ELSPBP1: variants seen among roughly 807,000 people sequenced by gnomAD.
ELSPBP1 encodes the protein epididymal sperm binding protein 1.
A neutral mutation model predicts 33.3 loss-of-function variants in ELSPBP1; 38 were observed. The observed-to-expected ratio is 1.14, with a 90% confidence interval of 0.88 to 1.50. The LOEUF (loss-of-function observed/expected upper bound fraction) is 1.50. ELSPBP1 is among the 40% of genes most tolerant of loss of function. The pLI is 0.00. For synonymous variants in ELSPBP1, 85 were observed against 94.1 expected (o/e 0.90, Z 0.56); for missense variants, 267 against 263.5 (o/e 1.01, Z -0.09).
chr19:47,994,909 A>C (rs1966899575), intron 1 of ELSPBP1, 98 bp downstream of exon 1: 1 of 152,238 alleles, frequency 6.6e-6, no homozygotes, highest in Non-Finnish European at 1.5e-5. Flanking sequence ...GTGCACTAGA[A>C]ATATAATACG....
At chr19:48,001,470 G>T (rs538375819) in intron 1 of ELSPBP1, among the ~76,000 whole-genome samples, 1 of 152,004 alleles carries the variant, frequency 6.6e-6, no homozygotes, top group Admixed American at 6.6e-5. Flanking sequence ...TTTTATAAGG[G>T]CCCTTGTGAT....
intron 1 of ELSPBP1, among the ~76,000 whole-genome samples, chr19:48,007,043 T>C (rs528046330): frequency 6.6e-6 from 1 of 152,218 alleles, no homozygotes; most frequent in South Asian, 2.1e-4. Context: ...TTCCTGGCGG[T>C]ATCTGGGTTT....
intron 1 of ELSPBP1, among the ~76,000 whole-genome samples, chr19:48,000,174 C>G (rs1245551718): frequency 1.3e-5 from 2 of 151,748 alleles, no homozygotes; most frequent in African/African-American, 4.8e-5. Context: ...GCCAAGAACT[C>G]TGCTTACATT....
chr19:48,012,168 C>A (rs1162666372), intron 2 of ELSPBP1, among the ~76,000 whole-genome samples: 2 of 152,144 alleles, frequency 1.3e-5, no homozygotes, highest in African/African-American at 4.8e-5. Flanking sequence ...CTCTGTCACC[C>A]AGGCTGGAGT....
At chr19:48,010,664 G>C (rs1267527531) in intron 2 of ELSPBP1, among the ~76,000 whole-genome samples, 2 of 152,116 alleles carry the variant, frequency 1.3e-5, no homozygotes, top group African/African-American at 2.4e-5. Context: ...ACTAAAGCTG[G>C]GAAGAGAGGA....
intron 4 of ELSPBP1, among the ~76,000 whole-genome samples, chr19:48,016,474 TTCTTTCTTTCTTTCTTTC>T (rs1967137190): frequency 1.8e-5 from 1 of 56,676 alleles, no homozygotes; most frequent in African/African-American, 1.1e-4. Flanking sequence ...CCTTCTTTCT[TTCTTTCTTTCTTTCTTTC>T]TTTCTTTCTT....
chr19:48,014,446 G>A, intron 3 of ELSPBP1, 138 bp downstream of exon 3: 3 of 827,106 alleles, frequency 3.6e-6, no homozygotes, highest in Non-Finnish European at 3.4e-6. Context: ...AAGGCTCTGG[G>A]TTTTAATGAT....
chr19:48,024,718 T>C (rs567151688), intron 6 of ELSPBP1, among the ~76,000 whole-genome samples: 2 of 152,290 alleles, frequency 1.3e-5, no homozygotes, highest in African/African-American at 4.8e-5. Flanking sequence ...ACTGGCACTT[T>C]GCAGGTCCCC....
At chr19:48,023,975 A>C (rs182679831) in intron 6 of ELSPBP1, among the ~76,000 whole-genome samples, 29 of 150,858 alleles carry the variant, frequency 1.9e-4, no homozygotes, top group Admixed American at 7.9e-4. Context: ...GGTTCAAGAA[A>C]TTCTCCCACC....
chr19:48,023,879 TA>T (rs1330411332), intron 6 of ELSPBP1, among the ~76,000 whole-genome samples: 22 of 151,938 alleles, frequency 1.4e-4, no homozygotes, highest in African/African-American at 5.1e-4. Flanking sequence ...TTTATTTATT[TA>T]TTTTTTTTGA....
At chr19:48,013,421 A>T (rs1967097510) in intron 2 of ELSPBP1, among the ~76,000 whole-genome samples, 1 of 152,174 alleles carries the variant, frequency 6.6e-6, no homozygotes, top group South Asian at 2.1e-4. Context: ...GGGTTGCCAT[A>T]ACAAAATACC....
At chr19:48,008,818 G>A in intron 2 of ELSPBP1, 81 bp downstream of exon 2, 1 of 1,280,542 alleles carries the variant, frequency 7.8e-7, no homozygotes. Flanking sequence ...CTGGAACTAA[G>A]TAGGCAGGAG....
rs1176172793 is a variant in ELSPBP1 at position 48,024,946 on chromosome 19, T to C, written c.*8-6T>C. ...TTAAACTCAGATCTTTGCTTCTATT[T>C]TCAAGGAAAGGAGAAATATCTTCAG... On this transcript the variant is annotated splice_polypyrimidine_tract_variant and splice_region_variant and intron_variant, in intron 6 of 6. Coordinates refer to ENST00000339841, the MANE Select transcript of ELSPBP1 (RefSeq NM_022142.5). 6.6e-6 allele frequency: 1 copy of C among 152,216 alleles called. No homozygotes were observed. The highest frequency in any genetic ancestry group is 1.5e-5 in the Non-Finnish European group (1 of 68,028). The allele number at this position is 152,216 out of a possible 1,614,324, so 9.4% of individuals were successfully genotyped here.
intron 6 of ELSPBP1, among the ~76,000 whole-genome samples, chr19:48,023,574 AAGGG>A (rs1490528525): frequency 6.8e-4 from 87 of 128,286 alleles, no homozygotes; most frequent in Admixed American, 6.2e-3. Context: ...GAAGGGAAGG[AAGGG>A]AGGGAGGAAG....
chr19:48,017,371 C>T (rs1967153358), intron 4 of ELSPBP1, among the ~76,000 whole-genome samples: 1 of 152,300 alleles, frequency 6.6e-6, no homozygotes, highest in African/African-American at 2.4e-5. Flanking sequence ...TTACTATAAA[C>T]AAAACTTAAC....
intron 2 of ELSPBP1, among the ~76,000 whole-genome samples, chr19:48,009,009 G>A (rs1967051033): frequency 6.6e-6 from 1 of 151,740 alleles, no homozygotes; most frequent in African/African-American, 2.4e-5. Flanking sequence ...GGTGGTGAGC[G>A]CCTGTAATCC....
At chr19:48,019,653 T>C in intron 4 of ELSPBP1, 66 bp from the exon 5 acceptor site, 1 of 1,498,090 alleles carries the variant, frequency 6.7e-7, no homozygotes, top group Non-Finnish European at 9.1e-7. Context: ...ACAGTTTGTG[T>C]GTCATAAATG....
At chr19:48,024,637 A>G (rs192680151) in intron 6 of ELSPBP1, among the ~76,000 whole-genome samples, 9 of 152,286 alleles carry the variant, frequency 5.9e-5, no homozygotes, top group African/African-American at 2.2e-4. Context: ...AAAAACACCC[A>G]CAGTGGCGTT....
intron 3 of ELSPBP1, among the ~76,000 whole-genome samples, chr19:48,014,562 A>G (rs1374955561): frequency 1.4e-5 from 2 of 145,076 alleles, no homozygotes; most frequent in Middle Eastern, 3.5e-3. Context: ...ATTAGGAGAT[A>G]TACCTAATGC....
Sources: gnomAD v4.1 joint callset for allele counts (sites outside exome capture counted in the v4.1 genomes callset) on GRCh38, gnomAD v4.1.1 for gene constraint, MANE v1.5 for transcripts, NCBI Gene and HGNC (gene_info 2026-07-23, HGNC 2026-07-21) for gene names.